Variants in IQCJ observed in about 807,000 individuals in gnomAD.
IQCJ encodes the protein IQ domain-containing protein J.
A neutral mutation model predicts 11.0 loss-of-function variants in IQCJ; 9 were observed. The observed-to-expected ratio is 0.82, with a 90% confidence interval of 0.49 to 1.43. IQCJ has a LOEUF of 1.43. IQCJ is among the 40% of genes most tolerant of loss of function. The pLI, the probability that IQCJ is intolerant of heterozygous loss-of-function variation, is 0.00. For missense variants in IQCJ, 146 were observed against 133.2 expected (o/e 1.10, Z -0.47); for synonymous variants, 55 against 51.3 (o/e 1.07, Z -0.31).
chr3:159,232,329 G>A (rs1371416696), intron 1 of IQCJ, among the ~76,000 whole-genome samples: 2 of 151,302 alleles, frequency 1.3e-5, no homozygotes, highest in African/African-American at 2.4e-5. Context: ...GGTATGTTGT[G>A]TCTTTGTTCT....
chr3:159,210,961 C>T (rs888844786), intron 1 of IQCJ, among the ~76,000 whole-genome samples: 5 of 152,136 alleles, frequency 3.3e-5, no homozygotes, highest in Admixed American at 6.5e-5. Flanking sequence ...CATAAGCCAC[C>T]GTGTCCGGCC....
At chr3:159,151,697 G>A (rs537489784) in intron 1 of IQCJ, among the ~76,000 whole-genome samples, 91 of 152,302 alleles carry the variant, frequency 6.0e-4, no homozygotes, top group African/African-American at 2.0e-3. Context: ...GTGCAGTGGC[G>A]CTATATTGGT....
intron 1 of IQCJ, among the ~76,000 whole-genome samples, chr3:159,204,835 AAT>A (rs1724552304): frequency 6.6e-6 from 1 of 152,178 alleles, no homozygotes; most frequent in Non-Finnish European, 1.5e-5. Flanking sequence ...GAAGTTTCTG[AAT>A]GGGACTAAAA....
chr3:159,203,545 C>G (rs1359746711), intron 1 of IQCJ, among the ~76,000 whole-genome samples: 2 of 152,136 alleles, frequency 1.3e-5, no homozygotes, highest in South Asian at 2.1e-4. Context: ...TTAGAAGTAA[C>G]TCATGCATCA....
chr3:159,184,390 C>T (rs1011417380), intron 1 of IQCJ, among the ~76,000 whole-genome samples: 1 of 152,114 alleles, frequency 6.6e-6, no homozygotes, highest in Non-Finnish European at 1.5e-5. Flanking sequence ...TAAAGTGGCC[C>T]CTGAATCATT....
chr3:159,182,204 CTT>C (rs869114965), intron 1 of IQCJ, among the ~76,000 whole-genome samples: 25 of 149,760 alleles, frequency 1.7e-4, no homozygotes, highest in African/African-American at 6.4e-4. Context: ...CAAAATTATA[CTT>C]TTTTTAAAAA....
chr3:159,257,012 C>G (rs561298774), intron 3 of IQCJ, among the ~76,000 whole-genome samples: 1 of 152,260 alleles, frequency 6.6e-6, no homozygotes, highest in Non-Finnish European at 1.5e-5. Flanking sequence ...TTGTCTAAAG[C>G]TACAGCTCAT....
chr3:159,226,187 G>T (rs1725843427), intron 1 of IQCJ, among the ~76,000 whole-genome samples: 1 of 152,108 alleles, frequency 6.6e-6, no homozygotes, highest in South Asian at 2.1e-4. Context: ...ACTGGTGATT[G>T]AACTCAATAT....
chr3:159,150,614 A>G (rs938557076), intron 1 of IQCJ, among the ~76,000 whole-genome samples: 5 of 151,650 alleles, frequency 3.3e-5, no homozygotes, highest in Non-Finnish European at 7.4e-5. Context: ...ACACACACAC[A>G]CATATTCTGG....
At chr3:159,256,396 C>T (rs1220793519) in intron 3 of IQCJ, among the ~76,000 whole-genome samples, 1 of 152,120 alleles carries the variant, frequency 6.6e-6, no homozygotes, top group East Asian at 1.9e-4. Flanking sequence ...AGAGAGATAG[C>T]ATTCCCAAAA....
chr3:159,189,376 A>T (rs1723553463), intron 1 of IQCJ, among the ~76,000 whole-genome samples: 2 of 152,220 alleles, frequency 1.3e-5, no homozygotes, highest in Admixed American at 6.5e-5. Flanking sequence ...TCTATAATTA[A>T]CAAATCAACG....
chr3:159,166,642 T>A (rs1474242632), intron 1 of IQCJ, among the ~76,000 whole-genome samples: 1 of 152,200 alleles, frequency 6.6e-6, no homozygotes, highest in East Asian at 1.9e-4. Flanking sequence ...TGCAGCAGTG[T>A]GCATTCGGGA....
chr3:159,165,906 G>T (rs553727122), intron 1 of IQCJ, among the ~76,000 whole-genome samples: 3 of 151,246 alleles, frequency 2.0e-5, no homozygotes, highest in Non-Finnish European at 4.4e-5. Context: ...TGGGATTCAG[G>T]CATGAGCCAC....
intron 1 of IQCJ, among the ~76,000 whole-genome samples, chr3:159,159,603 A>T (rs1298401750): frequency 6.6e-6 from 1 of 152,142 alleles, no homozygotes; most frequent in Non-Finnish European, 1.5e-5. Context: ...AAACCCATGT[A>T]ATTTATTTTC....
intron 1 of IQCJ, among the ~76,000 whole-genome samples, chr3:159,224,789 C>A (rs1281281456): frequency 1.3e-5 from 2 of 152,108 alleles, no homozygotes; most frequent in African/African-American, 4.8e-5. Flanking sequence ...TTCCTGAGTT[C>A]TTGAGCAAAC....
chr3:159,194,133 T>G (rs56791207), intron 1 of IQCJ, among the ~76,000 whole-genome samples: 8 of 152,274 alleles, frequency 5.3e-5, no homozygotes, highest in African/African-American at 1.9e-4. Flanking sequence ...CCTTTTGCTC[T>G]GTAACTCAGC....
chr3:159,075,893 G>A (rs1000527644), intron 1 of IQCJ, among the ~76,000 whole-genome samples: 6 of 152,064 alleles, frequency 3.9e-5, no homozygotes, highest in Non-Finnish European at 8.8e-5. Context: ...CCCAGGGCCT[G>A]AGCTCTTAGA....
At chr3:159,122,139 A>G (rs1293921944) in intron 1 of IQCJ, among the ~76,000 whole-genome samples, 2 of 152,138 alleles carry the variant, frequency 1.3e-5, no homozygotes, top group African/African-American at 2.4e-5. Flanking sequence ...TGCTGTGGTA[A>G]GATAGAGAGT....
intron 1 of IQCJ, among the ~76,000 whole-genome samples, chr3:159,233,821 A>G (rs902966617): frequency 6.6e-6 from 1 of 152,166 alleles, no homozygotes; most frequent in African/African-American, 2.4e-5. Flanking sequence ...ACACCTTTAA[A>G]TATGTTATTT....
Sources: gnomAD v4.1 joint callset for allele counts (sites outside exome capture counted in the v4.1 genomes callset) on GRCh38, gnomAD v4.1.1 for gene constraint, MANE v1.5 for transcripts, NCBI Gene and HGNC (gene_info 2026-07-23, HGNC 2026-07-21) for gene names.